Variants in TRNT1 observed in about 807,000 individuals in gnomAD.
TRNT1 encodes tRNA nucleotidyl transferase 1, also known as CCA tRNA nucleotidyltransferase 1, mitochondrial.
In TRNT1, 44 loss-of-function variants were observed where a neutral mutation model predicts 45.6. The observed-to-expected ratio is 0.97, with a 90% CI of 0.76 to 1.24. The LOEUF is 1.24. TRNT1 is among the 50% of genes most tolerant of loss of function. The pLI is 0.00. For synonymous variants in TRNT1, 201 were observed against 171.4 expected, an observed-to-expected ratio of 1.17 and a Z score of -1.35; for missense variants, 633 against 504.4, an observed-to-expected ratio of 1.25 and a Z score of -2.44.
chr3:3,149,151 C>CA (rs958994821), downstream of TRNT1: 5 of 151,948 alleles, frequency 3.3e-5, no homozygotes, highest in African/African-American at 4.8e-5. Context: ...CTTGATAAAA[C>CA]AATTTTGTAG....
At chr3:3,147,385 G>T in intron 6 of TRNT1, 65 bp from the exon 7 acceptor site, 1 of 1,575,142 alleles carries the variant, frequency 6.3e-7, no homozygotes, top group Middle Eastern at 2.3e-4. Flanking sequence ...TGGTGGCAAG[G>T]TTTAGGATAT....
intron 4 of TRNT1, among the ~76,000 whole-genome samples, chr3:3,141,018 G>C (rs1193822789): frequency 6.6e-6 from 1 of 152,162 alleles, no homozygotes; most frequent in Non-Finnish European, 1.5e-5. Context: ...CTTGCAGTGA[G>C]CTGAGATTGT....
At chr3:3,136,222 T>C (rs1050913728) in intron 2 of TRNT1, among the ~76,000 whole-genome samples, 3 of 152,114 alleles carry the variant, frequency 2.0e-5, no homozygotes, top group Non-Finnish European at 2.9e-5. Context: ...TTGTCTGATA[T>C]TGATGTTTTG....
At chr3:3,136,718 G>A (rs369652706) in intron 2 of TRNT1, 23 of 410,560 alleles carry the variant, frequency 5.6e-5, no homozygotes, top group African/African-American at 4.3e-4. Flanking sequence ...GCAGTGGCAC[G>A]ATCATAGCTC....
rs372367989 is a variant in TRNT1 at position 3,148,083 on chromosome 3, C to A, written c.1234C>A (p.Arg412=). The A allele has an allele frequency of 2.5e-6, 4 of 1,613,646 alleles. No individual in the cohort carries two copies. The highest frequency in any genetic ancestry group is 3.4e-6 in the Non-Finnish European group (4 of 1,179,764). The change falls in exon 8 of 8, where the codon CGA becomes AGA. Residue 412 remains arginine, a synonymous_variant. Transcript: ENST00000251607. ...AATTGGGGCTCTATTACAACAGTTGCGAGAACAGTGGAAAAAAAGTGGTTA... is the reference window on the plus strand; with the variant it reads ...AATTGGGGCTCTATTACAACAGTTGAGAGAACAGTGGAAAAAAAGTGGTTA... ...KEIGALLQQL[R]EQWKKSGYQM...
At chr3:3,141,580 A>G (rs1351124812) in intron 4 of TRNT1, among the ~76,000 whole-genome samples, 1 of 152,190 alleles carries the variant, frequency 6.6e-6, no homozygotes, top group African/African-American at 2.4e-5. Flanking sequence ...GTTTAATGAA[A>G]GCACTGGGAA....
At position 3,140,598 on chromosome 3, in the gene TRNT1, G is replaced by A; in HGVS notation, c.431G>A (p.Trp144Ter). 1 of 1,614,076 alleles carries A rather than the reference G, an allele frequency of 6.2e-7. No individual in the cohort carries two copies. Among genetic ancestry groups the A allele is most frequent in the Non-Finnish European group, 8.5e-7 (1 of 1,179,992 alleles). The change falls in exon 4 of 8, where the codon TGG becomes TAG. Residue 144 changes from tryptophan to a stop codon, truncating the protein, a stop_gained. Transcript: ENST00000251607. LOFTEE classifies it high-confidence loss of function. The stretch of plus-strand genomic sequence containing the variant: ...GCTGAGGTAGAATTTACAACTGACT[G>A]GCAGAAAGATGCGGAACGCAGAGAT... Reference protein sequence around the residue: ...RHAEVEFTTDWQKDAERRDLT... With the variant: ...RHAEVEFTTD
rs202044723 is a variant in TRNT1 at position 3,129,060 on chromosome 3, A to G, written c.20A>G (p.His7Arg). 6.2e-7 allele frequency: 1 copy of G among 1,612,456 alleles called. No individual in the cohort carries two copies. The highest frequency in any genetic ancestry group is 2.2e-5 in the East Asian group (1 of 44,874). The change falls in exon 2 of 8, where the codon CAT becomes CGT. Residue 7 changes from histidine (H) to arginine (R), a missense_variant. Physicochemically the swap from His to Arg is conservative, Grantham distance 29. Transcript: ENST00000251607. MLRCLY[H>R]WHRPVLNRRW... ...CTCCAGATGCTGAGGTGCCTGTATC[A>G]TTGGCACAGGCCAGTGCTGAACCGT...
At chr3:3,152,334 T>G (rs537755367), downstream of TRNT1, 1 of 1,095,316 alleles carries the variant, frequency 9.1e-7, no homozygotes, top group Non-Finnish European at 1.4e-6. Flanking sequence ...TGTAGCAAAT[T>G]ACTCATTTGT....
At chr3:3,152,302 G>A (rs189302157), downstream of TRNT1, among the ~76,000 whole-genome samples, 1 of 151,666 alleles carries the variant, frequency 6.6e-6, no homozygotes, top group East Asian at 1.9e-4. Flanking sequence ...ACAGACCCCT[G>A]CCCCCATACC....
At chr3:3,136,266 T>C (rs1575047919) in intron 2 of TRNT1, among the ~76,000 whole-genome samples, 1 of 152,160 alleles carries the variant, frequency 6.6e-6, no homozygotes, top group East Asian at 1.9e-4. Flanking sequence ...CCCCAGGGCC[T>C]AATATTGTGG....
chr3:3,151,216 TTTC>T (rs1706520685), downstream of TRNT1, among the ~76,000 whole-genome samples: 3 of 152,206 alleles, frequency 2.0e-5, no homozygotes, highest in Admixed American at 1.3e-4. Flanking sequence ...CTAAAAACAT[TTTC>T]TAATTTTGTA....
chr3:3,145,921 C>G (rs1705983918), intron 5 of TRNT1, among the ~76,000 whole-genome samples: 1 of 151,646 alleles, frequency 6.6e-6, no homozygotes, highest in Non-Finnish European at 1.5e-5. Flanking sequence ...TTCTAAGATT[C>G]CGCGAAATAT....
chr3:3,146,756 G>C lies in TRNT1; in HGVS notation c.802+133G>C, dbSNP rs1009263021. On this transcript the variant is annotated intron_variant, in intron 6 of 7. Transcript: ENST00000251607. ...ATGGAGTATTTTAAAATAAGACAAAGTTTGGGTTATGGGGTAAGTTTTGTC... is the reference window on the plus strand; with the variant it reads ...ATGGAGTATTTTAAAATAAGACAAACTTTGGGTTATGGGGTAAGTTTTGTC... 1.4e-5 allele frequency: 12 copies of C among 888,040 alleles called. No homozygotes were observed. The South Asian group carries it at 2.2e-4, about 17-fold the overall frequency. The allele number at this position is 888,040 out of a possible 1,614,324, so 55.0% of individuals were successfully genotyped here. A position where few individuals can be genotyped will look rare whatever the true frequency, so the allele number is the denominator to read the frequency against.
intron 7 of TRNT1, 74 bp from the exon 8 acceptor site, chr3:3,147,828 GTATT>G (rs1706154655): frequency 6.5e-7 from 1 of 1,530,010 alleles, no homozygotes; most frequent in Non-Finnish European, 8.8e-7. Flanking sequence ...TTTATGTTGA[GTATT>G]TAAATTTTAG....
In TRNT1 at chr3:3,137,259, G is replaced by C; in HGVS notation, c.149-1G>C. ...AAAAATCTTATTTTCTCTCATCTCA[G>C]AATTATTTGTCAAAGAGAATCACGA... On this transcript the variant is annotated splice_acceptor_variant, in intron 2 of 7. Coordinates refer to ENST00000251607, the MANE Select transcript of TRNT1 (RefSeq NM_182916.3). LOFTEE classifies it high-confidence loss of function. 1 of 1,576,398 alleles carries C rather than the reference G, an allele frequency of 6.3e-7. No homozygotes were observed. Among genetic ancestry groups the C allele is most frequent in the Non-Finnish European group, 8.6e-7 (1 of 1,164,168 alleles).
At chr3:3,127,238 G>A (rs576690878) in intron 1 of TRNT1, 2 of 152,254 alleles carry the variant, frequency 1.3e-5, no homozygotes, top group Admixed American at 1.3e-4. Context: ...CCGCGCGGAC[G>A]GCCCCGAGAC....
chr3:3,147,226 G>A (rs895586242), intron 6 of TRNT1, among the ~76,000 whole-genome samples: 1 of 152,136 alleles, frequency 6.6e-6, no homozygotes, highest in African/African-American at 2.4e-5. Context: ...AACTCTTGAT[G>A]TAGCTTTAAT....
At chr3:3,139,819 C>T (rs573082805) in intron 3 of TRNT1, among the ~76,000 whole-genome samples, 7 of 152,108 alleles carry the variant, frequency 4.6e-5, no homozygotes, top group Admixed American at 1.3e-4. Flanking sequence ...CTCTGCCTCC[C>T]GGGGTCTAGC....
Sources: gnomAD v4.1 joint callset for allele counts (sites outside exome capture counted in the v4.1 genomes callset) on GRCh38, gnomAD v4.1.1 for gene constraint, MANE v1.5 for transcripts, NCBI Gene and HGNC (gene_info 2026-07-23, HGNC 2026-07-21) for gene names.